RIPOR2: variants seen among roughly 807,000 people sequenced by gnomAD.
RIPOR2 encodes the protein rho family-interacting cell polarization regulator 2.
Under a neutral mutation model 114.5 loss-of-function variants are expected in RIPOR2, and 39 were observed. That is an observed-to-expected ratio of 0.34 (90% CI 0.26 to 0.44). The LOEUF is 0.44. Ranked by LOEUF, RIPOR2 falls within the 20% of genes least tolerant of loss-of-function variation. RIPOR2 has a pLI of 1.00. For synonymous variants in RIPOR2, 445 were observed against 484.4 expected, an observed-to-expected ratio of 0.92 and a Z score of 1.07; for missense variants, 1,007 against 1,255.1, an observed-to-expected ratio of 0.80 and a Z score of 2.99.
intron 1 of RIPOR2, among the ~76,000 whole-genome samples, chr6:24,923,489 A>C (rs541269165): frequency 2.6e-5 from 4 of 152,164 alleles, no homozygotes; most frequent in Admixed American, 2.0e-4. Flanking sequence ...TTCCCACCAA[A>C]AGTGGCCGAG....
chr6:24,978,164 T>C (rs1774150400), intron 1 of RIPOR2, among the ~76,000 whole-genome samples: 1 of 152,124 alleles, frequency 6.6e-6, no homozygotes, highest in African/African-American at 2.4e-5. Context: ...TGTGAGTGAG[T>C]CTTTTTCATT....
chr6:24,906,522 T>C (rs1769014564), intron 1 of RIPOR2, among the ~76,000 whole-genome samples: 1 of 152,234 alleles, frequency 6.6e-6, no homozygotes, highest in African/African-American at 2.4e-5. Flanking sequence ...TTAATAATTA[T>C]GCTGCAACAA....
chr6:24,825,300 C>T lies in RIPOR2; in HGVS notation c.2794G>A (p.Glu932Lys), dbSNP rs574003380. 11 of 1,551,822 alleles carry T rather than the reference C, an allele frequency of 7.1e-6. No individual in the cohort carries two copies. The highest frequency in any genetic ancestry group is 5.5e-5 in the African/African-American group (4 of 73,148). ...ACAGCCTCACTAACTTCGTTGTCCT[C>T]TCTGGTTAATAGCAGAGCCAGAGTC... ...LRTLALLLTR[E>K]DNEVSEAVTL... Residue 932 changes from glutamate (E) to lysine (K), a missense_variant, in exon 19 of 22, where the codon GAG becomes AAG. Glu to Lys is a moderately conservative substitution (Grantham distance 56). Coordinates refer to ENST00000643898, the MANE Select transcript of RIPOR2 (RefSeq NM_001286445.3).
At chr6:24,979,624 G>T (rs1774214214) in intron 1 of RIPOR2, among the ~76,000 whole-genome samples, 1 of 152,148 alleles carries the variant, frequency 6.6e-6, no homozygotes, top group Non-Finnish European at 1.5e-5. Context: ...GGAAGGAAAG[G>T]CCAGCTCTCA....
chr6:24,821,627 G>A (rs1390933979), intron 19 of RIPOR2, among the ~76,000 whole-genome samples: 2 of 152,184 alleles, frequency 1.3e-5, no homozygotes, highest in East Asian at 3.8e-4. Context: ...TTTGGCTTTT[G>A]AAAACCTCTC....
intron 21 of RIPOR2, among the ~76,000 whole-genome samples, chr6:24,808,326 G>A (rs58233236): frequency 0.029 from 4,476 of 152,290 alleles, 145 homozygotes; most frequent in African/African-American, 0.077. Context: ...ATAAGCGCCT[G>A]GCTTACCTTC....
At chr6:24,841,240 T>C (rs953612437) in intron 13 of RIPOR2, among the ~76,000 whole-genome samples, 1 of 152,232 alleles carries the variant, frequency 6.6e-6, no homozygotes, top group Non-Finnish European at 1.5e-5. Context: ...ATTTGTGTCT[T>C]AGCTCTTTGA....
At position 24,946,745 on chromosome 6, in the gene RIPOR2, G is replaced by A. The variant is rs151325385; in HGVS notation, c.77-70928C>T. On this transcript the variant is annotated intron_variant, in intron 1 of 13. Transcript: ENST00000510784. Reference sequence around the variant, plus strand: ...CTGGACCCTGCAGGAGGTAGGCTTCGCAGTGCCATCCCTTTGCACATACTA... The same window carrying A: ...CTGGACCCTGCAGGAGGTAGGCTTCACAGTGCCATCCCTTTGCACATACTA... 3.5e-3 allele frequency among the ~76,000 whole-genome samples: 534 copies of A among 152,234 alleles called. 3 individuals carry two copies. The highest frequency in any genetic ancestry group is 0.012 in the African/African-American group (497 of 41,540).
chr6:24,810,907 C>T (rs6931984), intron 20 of RIPOR2, among the ~76,000 whole-genome samples: 112,710 of 151,550 alleles, frequency 0.74, 44,061 homozygotes, highest in East Asian at 0.88. Context: ...TGGGTTCAAG[C>T]GATTCTCCTG....
chr6:24,902,961 T>A (rs1442295042), intron 1 of RIPOR2, among the ~76,000 whole-genome samples: 1 of 152,222 alleles, frequency 6.6e-6, no homozygotes, highest in East Asian at 1.9e-4. Flanking sequence ...TCTAGTTATT[T>A]ATTGCTGTGT....
At chr6:24,941,375 G>GAAA (rs75044779) in intron 1 of RIPOR2, among the ~76,000 whole-genome samples, 1 of 140,874 alleles carries the variant, frequency 7.1e-6, no homozygotes, top group Non-Finnish European at 1.6e-5. Context: ...ACTAGAAACA[G>GAAA]AAAAAAAAAA....
chr6:24,981,836 C>T (rs1258759199), intron 1 of RIPOR2, among the ~76,000 whole-genome samples: 1 of 152,174 alleles, frequency 6.6e-6, no homozygotes, highest in Admixed American at 6.5e-5. Context: ...CAATGAGGTG[C>T]TACTTGAAAG....
rs74646596 is a variant in RIPOR2, at chr6:25,039,008, C to T, written c.76+2843G>A. Among the ~76,000 whole-genome samples, 471 of 152,292 alleles carry T rather than the reference C, an allele frequency of 3.1e-3. 2 individuals carry two copies. Among genetic ancestry groups the T allele is most frequent in the African/African-American group, 0.011 (447 of 41,566 alleles). ...AAATGGACAGTGGTGGCACATGTCC[C>T]TCCTATCGCCATTCAAGGTCCCTCT... On this transcript the variant is annotated intron_variant, in intron 1 of 13. Transcript: ENST00000510784.
At chr6:24,882,345 T>G (rs1766429619) in intron 1 of RIPOR2, among the ~76,000 whole-genome samples, 2 of 152,220 alleles carry the variant, frequency 1.3e-5, no homozygotes, top group South Asian at 4.1e-4. Context: ...GTCAGGCCAG[T>G]GGCCGACCTC....
intron 8 of RIPOR2, among the ~76,000 whole-genome samples, chr6:24,859,717 G>A (rs573122218): frequency 3.9e-5 from 6 of 152,250 alleles, no homozygotes; most frequent in Non-Finnish European, 8.8e-5. Context: ...GCTCTTACAT[G>A]TCAGTGCCTA....
chr6:25,038,237 G>A (rs1777332396), intron 1 of RIPOR2, among the ~76,000 whole-genome samples: 4 of 152,214 alleles, frequency 2.6e-5, no homozygotes, highest in African/African-American at 9.6e-5. Context: ...TTGCAAAGAT[G>A]ACAATTAGGT....
intron 14 of RIPOR2, among the ~76,000 whole-genome samples, chr6:24,836,667 GT>G (rs1186117175): frequency 1.3e-5 from 2 of 152,168 alleles, no homozygotes; most frequent in African/African-American, 4.8e-5. Flanking sequence ...ACTCTCTGGT[GT>G]CCACAATTTA....
At chr6:24,969,396 G>A (rs1354627347) in intron 1 of RIPOR2, among the ~76,000 whole-genome samples, 3 of 152,216 alleles carry the variant, frequency 2.0e-5, no homozygotes, top group African/African-American at 7.2e-5. Flanking sequence ...TGATTCACGT[G>A]CAGGTTAAAT....
chr6:24,852,257 A>G (rs1228834351), intron 9 of RIPOR2, among the ~76,000 whole-genome samples: 3 of 152,046 alleles, frequency 2.0e-5, no homozygotes, highest in Non-Finnish European at 4.4e-5. Flanking sequence ...GCGAGACTCC[A>G]TCTCAAAATA....
Sources: gnomAD v4.1 joint callset for allele counts (sites outside exome capture counted in the v4.1 genomes callset) on GRCh38, gnomAD v4.1.1 for gene constraint, MANE v1.5 for transcripts, NCBI Gene and HGNC (gene_info 2026-07-23, HGNC 2026-07-21) for gene names.